Variants in PAQR5 observed in about 807,000 individuals in gnomAD.
The protein encoded by PAQR5 is membrane progestin receptor gamma.
Under a neutral mutation model 34.5 loss-of-function variants are expected in PAQR5, and 20 were observed. The ratio of observed to expected loss-of-function variants is 0.58; its 90% confidence interval spans 0.41 to 0.84. The LOEUF is 0.84. PAQR5 is among the 40% of genes least tolerant of loss of function. The pLI is 0.00. For missense variants in PAQR5, 378 were observed against 412.7 expected (o/e 0.92, Z 0.73); for synonymous variants, 131 against 155.6 (o/e 0.84, Z 1.18).
At chr15:69,341,164 T>G in intron 2 of PAQR5, among the ~76,000 whole-genome samples, 1 of 151,536 alleles carries the variant, frequency 6.6e-6, no homozygotes, top group Admixed American at 6.6e-5. Flanking sequence ...TAAACACTAA[T>G]TCCCCATCCC....
chr15:69,343,830 C>T (rs1371791766), intron 2 of PAQR5, among the ~76,000 whole-genome samples: 3 of 152,098 alleles, frequency 2.0e-5, no homozygotes, highest in Admixed American at 1.3e-4. Context: ...CTGCAGGTAC[C>T]TGAGAACTAG....
At chr15:69,311,254 C>T (rs115212644) in intron 1 of PAQR5, among the ~76,000 whole-genome samples, 163 of 151,782 alleles carry the variant, frequency 1.1e-3, no homozygotes, top group African/African-American at 3.9e-3. Flanking sequence ...TGGATGGCTA[C>T]ACGTTGAAAG....
At chr15:69,403,160 G>A (rs929335740) in intron 8 of PAQR5, among the ~76,000 whole-genome samples, 8 of 152,334 alleles carry the variant, frequency 5.3e-5, no homozygotes, top group African/African-American at 1.9e-4. Flanking sequence ...GAGACTGGTG[G>A]ATAAGTTGTT....
intron 6 of PAQR5, among the ~76,000 whole-genome samples, chr15:69,394,560 T>C (rs72758407): frequency 0.044 from 6,714 of 152,344 alleles, 187 homozygotes; most frequent in South Asian, 0.096. Context: ...TCCTTCCAGC[T>C]TTTTTGTCAG....
chr15:69,384,626 G>A, intron 4 of PAQR5, 51 bp from the exon 5 acceptor site: 1 of 1,269,188 alleles, frequency 7.9e-7, no homozygotes, highest in South Asian at 1.2e-5. Flanking sequence ...TGGAGGGTGA[G>A]CGGGCCCTCT....
chr15:69,363,769 G>T (rs1191089214), intron 3 of PAQR5, among the ~76,000 whole-genome samples: 1 of 151,932 alleles, frequency 6.6e-6, no homozygotes, highest in Admixed American at 6.6e-5. Context: ...GCCAGGCTGG[G>T]TCTCGAACTC....
Position 69,300,702 on chromosome 15 carries a change from C to CTCTCTCTCTCTCTT in PAQR5, c.-277+1649_-277+1650insCTCTCTCTCTTTCT, listed in dbSNP as rs1394930613. On this transcript the variant is annotated intron_variant, in intron 1 of 8. Coordinates refer to ENST00000395407, the MANE Select transcript of PAQR5 (RefSeq NM_017705.4). ...TTCCTTCCTCCCTCCCTCTCTCTCT[C>CTCTCTCTCTCTCTT]TCTTTCTTTCTTTCTTTCTTTCTTT... Among the ~76,000 whole-genome samples the CTCTCTCTCTCTCTT allele has an allele frequency of 3.1e-4, 2 of 6,498 alleles. 1 individual carries two copies. Among genetic ancestry groups the CTCTCTCTCTCTCTT allele is most frequent in the South Asian group, 0.011 (2 of 180 alleles). 4.3% of individuals were successfully genotyped at this position (6,498 alleles called of 152,430 possible).
chr15:69,402,813 C>T (rs1030004366), intron 8 of PAQR5, among the ~76,000 whole-genome samples: 4 of 152,254 alleles, frequency 2.6e-5, no homozygotes, highest in African/African-American at 9.6e-5. Flanking sequence ...CTCCTGGGGT[C>T]TGAGGGTTGT....
intron 4 of PAQR5, 149 bp from the exon 5 acceptor site, chr15:69,384,528 G>C: frequency 2.2e-6 from 1 of 459,786 alleles, no homozygotes; most frequent in Non-Finnish European, 3.9e-6. Context: ...CATGGTGGAG[G>C]GTGAGTGGGC....
intron 1 of PAQR5, among the ~76,000 whole-genome samples, chr15:69,307,492 C>T (rs532158336): frequency 6.6e-6 from 1 of 152,238 alleles, no homozygotes; most frequent in African/African-American, 2.4e-5. Context: ...GGAAAAAGCC[C>T]AGGCTGCAGG....
At chr15:69,362,989 T>G (rs1190980454) in intron 3 of PAQR5, among the ~76,000 whole-genome samples, 1 of 152,144 alleles carries the variant, frequency 6.6e-6, no homozygotes, top group Admixed American at 6.5e-5. Context: ...CAACCTTTGC[T>G]CCCCCTTTGT....
intron 5 of PAQR5, among the ~76,000 whole-genome samples, chr15:69,386,485 C>T (rs559355579): frequency 1.3e-5 from 2 of 152,160 alleles, no homozygotes; most frequent in South Asian, 4.2e-4. Flanking sequence ...GTCCAGGGTC[C>T]CGGCCTCCTG....
intron 4 of PAQR5, among the ~76,000 whole-genome samples, chr15:69,384,159 ATGG>A (rs1264196868): frequency 9.0e-6 from 1 of 110,558 alleles, no homozygotes; most frequent in African/African-American, 3.6e-5. Flanking sequence ...CTCTGTGCTC[ATGG>A]TGGAGGGTGA....
At chr15:69,397,741 A>G in intron 7 of PAQR5, 177 bp downstream of exon 7, 4 of 618,006 alleles carry the variant, frequency 6.5e-6, no homozygotes, top group Non-Finnish European at 1.2e-5. Context: ...GTCAGGTGGG[A>G]CGAGAGACTG....
intron 3 of PAQR5, among the ~76,000 whole-genome samples, chr15:69,375,289 G>A (rs927382274): frequency 2.0e-5 from 3 of 152,112 alleles, no homozygotes; most frequent in African/African-American, 7.2e-5. Context: ...CATCCCTGGT[G>A]TCTCTCTGTG....
intron 2 of PAQR5, among the ~76,000 whole-genome samples, chr15:69,338,420 T>C (rs1412168711): frequency 1.3e-5 from 2 of 152,214 alleles, no homozygotes; most frequent in Non-Finnish European, 2.9e-5. Flanking sequence ...TAATGTACCT[T>C]ATAGTAGGCT....
At chr15:69,341,436 G>A (rs1035428982) in intron 2 of PAQR5, among the ~76,000 whole-genome samples, 2 of 143,568 alleles carry the variant, frequency 1.4e-5, no homozygotes, top group African/African-American at 5.1e-5. Context: ...AGCTCACTGT[G>A]GCCTTGTTCT....
intron 2 of PAQR5, among the ~76,000 whole-genome samples, chr15:69,348,999 A>G (rs1325671828): frequency 1.3e-5 from 2 of 152,116 alleles, no homozygotes; most frequent in African/African-American, 2.4e-5. Context: ...GGAAGGCAAA[A>G]CCTTGGATGA....
chr15:69,325,832 C>G (rs1391144744), intron 1 of PAQR5, among the ~76,000 whole-genome samples: 1 of 152,190 alleles, frequency 6.6e-6, no homozygotes, highest in Admixed American at 6.5e-5. Flanking sequence ...GCACAGCCAT[C>G]TGCCCGGGAA....
Sources: allele counts gnomAD v4.1 joint callset (sites outside exome capture counted in the v4.1 genomes callset), GRCh38; gene constraint gnomAD v4.1.1; transcripts MANE v1.5; gene names NCBI Gene and HGNC (gene_info 2026-07-23, HGNC 2026-07-21).